Variants in TMEM221 observed in about 807,000 individuals in gnomAD.
TMEM221 encodes transmembrane protein 221, also known as Putative transmembrane protein ENSP00000342162.
A neutral mutation model predicts 10.2 loss-of-function variants in TMEM221; 11 were observed. The ratio of observed to expected loss-of-function variants is 1.08; its 90% confidence interval spans 0.68 to 1.79. The LOEUF is 1.79. Ranked by LOEUF, TMEM221 falls within the 40% of genes most tolerant of loss-of-function variation. The pLI is 0.00. For synonymous variants in TMEM221, 172 were observed against 199.8 expected (o/e 0.86, Z 1.18); for missense variants, 382 against 417.7 (o/e 0.91, Z 0.75).
Position 17,436,739 on chromosome 19 carries a change from C to T in TMEM221, c.595G>A (p.Ala199Thr). Residue 199 changes from alanine to threonine, a missense_variant, in exon 3 of 3, where the codon GCC becomes ACC. Physicochemically the swap from Ala to Thr is moderately conservative, Grantham distance 58. Transcript: ENST00000341130. ...CTGGGGCTGGCCTTGGAGACTTCGG[C>T]AGGGCGGGCGAGGTCGTCTTCAAAG... Reference protein sequence around the residue: ...PSFEDDLARPAEVSKASPRAQ... With the variant: ...PSFEDDLARPTEVSKASPRAQ... 1 of 1,526,178 alleles carries T rather than the reference C, an allele frequency of 6.6e-7. No homozygotes were observed. Among genetic ancestry groups the T allele is most frequent in the Non-Finnish European group, 8.8e-7 (1 of 1,140,936 alleles). The allele number at this position is 1,526,178 out of a possible 1,614,324, so 94.5% of individuals were successfully genotyped here.
intron 2 of TMEM221, among the ~76,000 whole-genome samples, chr19:17,444,417 A>T (rs1457672585): frequency 6.6e-6 from 1 of 151,568 alleles, no homozygotes; most frequent in African/African-American, 2.4e-5. Flanking sequence ...CAGGCCATGA[A>T]AATTTTTGTT....
chr19:17,436,981 G>A, intron 2 of TMEM221, 54 bp from the exon 3 acceptor site: 1 of 1,312,284 alleles, frequency 7.6e-7, no homozygotes, highest in Non-Finnish European at 9.8e-7. Context: ...TGCCCTCCAA[G>A]CCCTCAGGGA....
chr19:17,447,507 G>A (rs2074957448), intron 1 of TMEM221, among the ~76,000 whole-genome samples: 1 of 152,138 alleles, frequency 6.6e-6, no homozygotes, highest in Non-Finnish European at 1.5e-5. Flanking sequence ...GTCTGGATAG[G>A]ATCTACCTCA....
At position 17,436,835 on chromosome 19, in the gene TMEM221, C is replaced by G; in HGVS notation, c.499G>C (p.Val167Leu). 6.8e-7 allele frequency: 1 copy of G among 1,478,936 alleles called. No homozygotes were observed. The highest frequency in any genetic ancestry group is 1.4e-5 in the African/African-American group (1 of 71,576). The allele number at this position is 1,478,936 out of a possible 1,614,324, so 91.6% of individuals were successfully genotyped here. Residue 167 changes from valine (V) to leucine (L), a missense_variant, in exon 3 of 3, where the codon GTG becomes CTG. Val to Leu is a conservative substitution (Grantham distance 32). Coordinates refer to ENST00000341130, the MANE Select transcript of TMEM221 (RefSeq NM_001190844.2). ...LGSGTLVLVA[V>L]LTHTLLRAAR... ...GCCCGGAGGAGAGTGTGGGTCAGCA[C>G]AGCCACCAGAACCAGGGTGCCCGAG...
chr19:17,440,447 G>A (rs1397703398), intron 2 of TMEM221, among the ~76,000 whole-genome samples: 1 of 151,972 alleles, frequency 6.6e-6, no homozygotes, highest in African/African-American at 2.4e-5. Flanking sequence ...GGATGGTCTC[G>A]ATCTCCTGAC....
At chr19:17,445,547 TATCCATTC>T (rs956090466) in intron 1 of TMEM221, among the ~76,000 whole-genome samples, 23 of 151,948 alleles carry the variant, frequency 1.5e-4, no homozygotes, top group Non-Finnish European at 1.9e-4. Context: ...TCCACCCATT[TATCCATTC>T]ATCCATTCAT....
chr19:17,436,189 T>A lies in TMEM221; in HGVS notation c.*269A>T, dbSNP rs1229168227. On this transcript the variant is annotated 3_prime_UTR_variant, in exon 3 of 3. Coordinates refer to ENST00000341130, the MANE Select transcript of TMEM221 (RefSeq NM_001190844.2). ...GGCCATTTCGCTCTGTTCTGGCCAG[T>A]GGGATATAAAAAGAAGGGTTTCGAG... The A allele has an allele frequency of 2.4e-6, 1 of 422,068 alleles. No homozygotes were observed. The highest frequency in any genetic ancestry group is 4.2e-6 in the Non-Finnish European group (1 of 235,698). 26.1% of individuals were successfully genotyped at this position (422,068 alleles called of 1,614,324 possible).
chr19:17,440,898 C>T (rs555724648), intron 2 of TMEM221, among the ~76,000 whole-genome samples: 8 of 152,164 alleles, frequency 5.3e-5, no homozygotes, highest in African/African-American at 1.9e-4. Flanking sequence ...CCTCAGTTAG[C>T]CAATGTGAAT....
intron 2 of TMEM221, among the ~76,000 whole-genome samples, chr19:17,440,768 C>T (rs1056028048): frequency 6.6e-6 from 1 of 152,122 alleles, no homozygotes; most frequent in African/African-American, 2.4e-5. Flanking sequence ...CTGTCTCTGC[C>T]TGGGGTGGGG....
intron 1 of TMEM221, among the ~76,000 whole-genome samples, chr19:17,446,204 C>CCA (rs1344557193): frequency 0.052 from 4,165 of 79,436 alleles, 188 homozygotes; most frequent in African/African-American, 0.12. Flanking sequence ...ATCCATCCAT[C>CCA]TATCCATCCA....
chr19:17,445,276 C>T lies in TMEM221; in HGVS notation c.329G>A (p.Trp110Ter), dbSNP rs541140024. The T allele has an allele frequency of 4.6e-6, 7 of 1,535,612 alleles. No homozygotes were observed. In the South Asian group the frequency reaches 8.3e-5, roughly 18 times the overall value. ...ARGPGPRRSD[W>*]FLYDCRLLRH... is the part of the protein sequence containing the mutation. ...GAGGAGGCGGCAGTCGTAGAGAAAC[C>T]AGTCAGACCTGGAATGAAGGGGAGC... Residue 110 changes from tryptophan to a stop codon, truncating the protein, a stop_gained, in exon 2 of 3, where the codon TGG (tryptophan) becomes TAG (stop). Coordinates refer to ENST00000341130, the MANE Select transcript of TMEM221 (RefSeq NM_001190844.2). LOFTEE classifies it high-confidence loss of function.
intron 2 of TMEM221, among the ~76,000 whole-genome samples, chr19:17,437,683 G>A (rs920440994): frequency 1.3e-5 from 2 of 152,090 alleles, no homozygotes; most frequent in Non-Finnish European, 1.5e-5. Context: ...AGCCGAGATC[G>A]CACCACTGCA....
rs1161043072 is a variant in TMEM221 at position 17,448,406 on chromosome 19, C to T, written c.57G>A (p.Ala19=). ...VLAAMTLLGI[A]AAVLAALGAQ... ...CGCCCAGCGCCGCCAGCACGGCCGCCGCGATGCCCAGCAGGGTCATTGCAG... is the reference window on the plus strand; with the variant it reads ...CGCCCAGCGCCGCCAGCACGGCCGCTGCGATGCCCAGCAGGGTCATTGCAG... Residue 19 remains alanine (A), a synonymous_variant, in exon 1 of 3, where the codon GCG becomes GCA. Coordinates refer to ENST00000341130, the MANE Select transcript of TMEM221 (RefSeq NM_001190844.2). This position sits in a 1 kb window ranked among gnomAD's most constrained non-coding sequence, Gnocchi z 4.7. 4 of 1,464,796 alleles carry T rather than the reference C, an allele frequency of 2.7e-6. No homozygotes were observed. The highest frequency in any genetic ancestry group is 3.6e-6 in the Non-Finnish European group (4 of 1,114,156). The allele number at this position is 1,464,796 out of a possible 1,614,324, so 90.7% of individuals were successfully genotyped here. A position where few individuals can be genotyped will look rare whatever the true frequency, so the allele number is the denominator to read the frequency against.
chr19:17,447,212 ACT>A (rs1467908234), intron 1 of TMEM221, among the ~76,000 whole-genome samples: 1 of 138,828 alleles, frequency 7.2e-6, no homozygotes, highest in Admixed American at 7.4e-5. Context: ...ACAGAGCAAG[ACT>A]CTGTCTCAAA....
At chr19:17,437,920 CTTCTT>C (rs2074916135) in intron 2 of TMEM221, among the ~76,000 whole-genome samples, 35 of 133,880 alleles carry the variant, frequency 2.6e-4, no homozygotes, top group Non-Finnish European at 2.8e-4. Flanking sequence ...TGTTCTTGTT[CTTCTT>C]TTTTTTTTTT....
At chr19:17,438,294 G>A (rs1351138081) in intron 2 of TMEM221, among the ~76,000 whole-genome samples, 3 of 151,960 alleles carry the variant, frequency 2.0e-5, no homozygotes, top group Non-Finnish European at 2.9e-5. Context: ...CACTATGTTG[G>A]CCAGGCTGGT....
chr19:17,443,414 C>T (rs1599619559), intron 2 of TMEM221, among the ~76,000 whole-genome samples: 1 of 152,090 alleles, frequency 6.6e-6, no homozygotes, highest in African/African-American at 2.4e-5. Context: ...AAACCTCCAC[C>T]TCTCAGGTTC....
At chr19:17,443,516 GGT>G (rs1160473602) in intron 2 of TMEM221, among the ~76,000 whole-genome samples, 1 of 151,446 alleles carries the variant, frequency 6.6e-6, no homozygotes, top group Non-Finnish European at 1.5e-5. Flanking sequence ...TTAATGGTGG[GGT>G]GGGGGGGCGG....
At chr19:17,447,823 G>T (rs1393482945) in intron 1 of TMEM221, among the ~76,000 whole-genome samples, 2 of 152,180 alleles carry the variant, frequency 1.3e-5, no homozygotes, top group African/African-American at 4.8e-5. Context: ...AAGCCAGACA[G>T]CCTGAGAGCT....
Sources: allele counts gnomAD v4.1 joint callset (sites outside exome capture counted in the v4.1 genomes callset), GRCh38; gene constraint gnomAD v4.1.1; non-coding constraint Gnocchi (gnomAD v3.1); transcripts MANE v1.5; gene names NCBI Gene and HGNC (gene_info 2026-07-23, HGNC 2026-07-21).